Variants in DZIP1 observed in about 807,000 individuals in gnomAD.
DZIP1 encodes DAZ interacting zinc finger protein 1, also known as cilium assembly protein DZIP1.
DZIP1 carries 97 observed loss-of-function variants against 107.6 expected under a neutral mutation model. The observed-to-expected ratio is 0.90, with a 90% confidence interval of 0.77 to 1.07. DZIP1 has a LOEUF of 1.07. Among genes scored for constraint, DZIP1 ranks in the 50% least tolerant of loss-of-function variants. The pLI is 0.00. For synonymous variants in DZIP1, 390 were observed against 386.4 expected (o/e 1.01, Z -0.11); for missense variants, 1,035 against 1,063.6 (o/e 0.97, Z 0.37).
chr13:95,584,539 TAAATAA>T (rs1431139299), intron 22 of DZIP1, 191 bp downstream of exon 22: 2 of 1,061,390 alleles, frequency 1.9e-6, no homozygotes, highest in Non-Finnish European at 2.4e-6. Flanking sequence ...GTCCTATAAT[TAAATAA>T]AAATAACAAG....
intron 9 of DZIP1, among the ~76,000 whole-genome samples, chr13:95,621,867 GC>G (rs952967681): frequency 2.0e-5 from 3 of 151,716 alleles, no homozygotes; most frequent in Admixed American, 6.6e-5. Context: ...ACAGGCATCT[GC>G]TACCACGCCC....
At chr13:95,638,047 A>G (rs1347639722) in intron 5 of DZIP1, among the ~76,000 whole-genome samples, 1 of 148,362 alleles carries the variant, frequency 6.7e-6, no homozygotes, top group African/African-American at 2.5e-5. Context: ...ACATTTTGCT[A>G]TCTTGGAAAT....
At chr13:95,600,573 A>G (rs1358589662) in intron 14 of DZIP1, among the ~76,000 whole-genome samples, 2 of 137,670 alleles carry the variant, frequency 1.5e-5, no homozygotes, top group African/African-American at 5.1e-5. Flanking sequence ...GAGAGATGAT[A>G]GAGATAGATA....
At chr13:95,594,249 T>G (rs963800851) in intron 15 of DZIP1, among the ~76,000 whole-genome samples, 163 bp from the exon 16 acceptor site, 2 of 152,238 alleles carry the variant, frequency 1.3e-5, no homozygotes, top group African/African-American at 4.8e-5. Context: ...ACAGAATGCT[T>G]AAGTTATGCA....
intron 5 of DZIP1, among the ~76,000 whole-genome samples, chr13:95,640,456 GC>G: frequency 6.6e-6 from 1 of 152,238 alleles, no homozygotes; most frequent in African/African-American, 2.4e-5. Flanking sequence ...GCCATAGTCA[GC>G]CGAAAGGACT....
At chr13:95,620,434 G>A (rs559035433) in intron 9 of DZIP1, among the ~76,000 whole-genome samples, 54 of 152,104 alleles carry the variant, frequency 3.6e-4, no homozygotes, top group African/African-American at 1.3e-3. Flanking sequence ...TAATACAGCT[G>A]GTATTTTTTA....
chr13:95,609,030 G>A (rs1296164815), intron 13 of DZIP1, among the ~76,000 whole-genome samples: 1 of 152,250 alleles, frequency 6.6e-6, no homozygotes, highest in African/African-American at 2.4e-5. Flanking sequence ...CCGGGAGATA[G>A]AGCAGATGGC....
At chr13:95,601,810 G>T (rs990482493) in intron 14 of DZIP1, among the ~76,000 whole-genome samples, 5 of 152,144 alleles carry the variant, frequency 3.3e-5, no homozygotes, top group Non-Finnish European at 7.4e-5. Context: ...CATTATCAGA[G>T]TTCACTGTGC....
Position 95,612,050 on chromosome 13 carries a change from GTT to G in DZIP1, c.1299_1300del (p.Thr434SerfsTer6), listed in dbSNP as rs2045026846. The G allele has an allele frequency of 6.2e-7, 1 of 1,613,548 alleles. No homozygotes were observed. Among genetic ancestry groups the G allele is most frequent in the Non-Finnish European group, 8.5e-7 (1 of 1,180,000 alleles). On this transcript the variant is annotated frameshift_variant, in exon 11 of 23. Coordinates refer to ENST00000376829, the MANE Select transcript of DZIP1 (RefSeq NM_198968.4). LOFTEE classifies it high-confidence loss of function. ...CGCCAGACATACCTGCTGTCTCTGA[GTT>G]ATAATCAGCTCATTCTGCTCCTGGA...
Position 95,641,449 on chromosome 13 carries a change from C to G in DZIP1, c.443G>C (p.Arg148Pro). 6.2e-7 allele frequency: 1 copy of G among 1,614,156 alleles called. No individual in the cohort carries two copies. Among genetic ancestry groups the G allele is most frequent in the Non-Finnish European group, 8.5e-7 (1 of 1,180,044 alleles). Residue 148 changes from arginine to proline, a missense_variant, in exon 5 of 23, where the codon CGG becomes CCG. Coordinates refer to ENST00000376829, the MANE Select transcript of DZIP1 (RefSeq NM_198968.4). This position sits in a 1 kb window ranked among gnomAD's most constrained non-coding sequence, Gnocchi z 4.3. ...LTSQLHTLEE[R>P]LRLSHCDGEQ... ...GCCGTCGCAGTGGCTCAGGCGCAGC[C>G]GCTCCTCCAGGGTGTGCAGCTGCGA...
At chr13:95,615,410 A>T (rs1318066003) in intron 10 of DZIP1, among the ~76,000 whole-genome samples, 1 of 152,218 alleles carries the variant, frequency 6.6e-6, no homozygotes, top group Non-Finnish European at 1.5e-5. Context: ...GAAGAATAAG[A>T]GTAGGGATTT....
intron 22 of DZIP1, among the ~76,000 whole-genome samples, chr13:95,582,715 G>A (rs954626961): frequency 5.9e-5 from 9 of 152,228 alleles, no homozygotes; most frequent in African/African-American, 1.4e-4. Context: ...GCCAAGTAAA[G>A]TGTTAAAAAC....
intron 3 of DZIP1, 68 bp from the exon 4 acceptor site, chr13:95,642,309 C>T (rs1878629140): frequency 2.6e-6 from 1 of 388,696 alleles, no homozygotes; most frequent in Non-Finnish European, 4.5e-6. Flanking sequence ...AAGAGGGTAC[C>T]TCCTGGGTAC....
intron 16 of DZIP1, among the ~76,000 whole-genome samples, chr13:95,591,819 C>T (rs1201253420): frequency 6.6e-6 from 1 of 152,170 alleles, no homozygotes; most frequent in Non-Finnish European, 1.5e-5. Flanking sequence ...AGAATCCCAA[C>T]AAGGGTTATT....
chr13:95,630,210 T>C, intron 6 of DZIP1, 97 bp from the exon 7 acceptor site: 1 of 1,413,126 alleles, frequency 7.1e-7, no homozygotes, highest in Non-Finnish European at 9.4e-7. Flanking sequence ...AAGGAAACTG[T>C]CCTCTTACTT....
intron 5 of DZIP1, among the ~76,000 whole-genome samples, chr13:95,640,054 G>A (rs1225525280): frequency 1.3e-5 from 2 of 150,774 alleles, no homozygotes; most frequent in African/African-American, 2.4e-5. Context: ...GTGCAGTGGC[G>A]CTATCTTGGC....
At chr13:95,590,959 C>G (rs2044295174) in intron 16 of DZIP1, among the ~76,000 whole-genome samples, 1 of 151,920 alleles carries the variant, frequency 6.6e-6, no homozygotes, top group East Asian at 1.9e-4. Context: ...TAAATGCCAA[C>G]CCAAAAGGCT....
intron 10 of DZIP1, 65 bp downstream of exon 10, chr13:95,619,820 A>G: frequency 1.3e-6 from 2 of 1,508,220 alleles, no homozygotes; most frequent in Non-Finnish European, 9.1e-7. Context: ...TATGTTTATT[A>G]AAAAGGAAAG....
chr13:95,578,329 A>T lies in DZIP1; in HGVS notation c.*3905T>A, dbSNP rs1348333653. ...TATTCGTACTCTAGCCTTTTTAATCATTCATAGATAGAAGTCTTTGTACCC... is the reference window on the plus strand; with the variant it reads ...TATTCGTACTCTAGCCTTTTTAATCTTTCATAGATAGAAGTCTTTGTACCC... On this transcript the variant is annotated 3_prime_UTR_variant, in exon 23 of 23. Transcript: ENST00000376829. 5.5e-6 allele frequency: 1 copy of T among 180,570 alleles called. No homozygotes were observed. The highest frequency in any genetic ancestry group is 1.2e-5 in the Non-Finnish European group (1 of 86,526). 11.2% of individuals were successfully genotyped at this position (180,570 alleles called of 1,614,324 possible).
Sources: allele counts gnomAD v4.1 joint callset (sites outside exome capture counted in the v4.1 genomes callset), GRCh38; gene constraint gnomAD v4.1.1; non-coding constraint Gnocchi (gnomAD v3.1); transcripts MANE v1.5; gene names NCBI Gene and HGNC (gene_info 2026-07-23, HGNC 2026-07-21).